The following OCA2 variants were observed in gnomAD, a reference collection of about 807,000 sequenced individuals.
OCA2 encodes the protein P protein.
In OCA2, 77 loss-of-function variants were observed where a neutral mutation model predicts 100.2. That is an observed-to-expected ratio of 0.77 (90% CI 0.64 to 0.93). The LOEUF is 0.93. Ranked by LOEUF, OCA2 falls within the 40% of genes least tolerant of loss-of-function variation. The probability of loss-of-function intolerance (pLI) is 0.00; values close to 1 mark genes in which losing one functional copy is unlikely to be tolerated. For missense variants in OCA2, 1,062 were observed against 1,089.1 expected (o/e 0.98, Z 0.35); for synonymous variants, 432 against 439.2 (o/e 0.98, Z 0.21).
chr15:27,866,010 C>T (rs994501608), intron 21 of OCA2, among the ~76,000 whole-genome samples: 1 of 152,194 alleles, frequency 6.6e-6, no homozygotes, highest in Non-Finnish European at 1.5e-5. Flanking sequence ...GAAGCCAGAA[C>T]CAGTGGGAGA....
intron 1 of OCA2, among the ~76,000 whole-genome samples, chr15:28,090,480 T>C (rs991334391): frequency 1.3e-5 from 2 of 152,100 alleles, no homozygotes; most frequent in Non-Finnish European, 2.9e-5. Flanking sequence ...TTTAAAAGAA[T>C]TGAAATCACA....
intron 18 of OCA2, among the ~76,000 whole-genome samples, chr15:27,932,316 A>G (rs534570660): frequency 6.6e-6 from 1 of 152,368 alleles, no homozygotes; most frequent in South Asian, 2.1e-4. Flanking sequence ...AACTTAGGCC[A>G]GGAAAATGGC....
At chr15:27,924,234 G>T (rs555197279) in intron 19 of OCA2, among the ~76,000 whole-genome samples, 1 of 151,942 alleles carries the variant, frequency 6.6e-6, no homozygotes, top group Admixed American at 6.6e-5. Flanking sequence ...ACCTAACTTT[G>T]ACTTAATTTT....
At chr15:28,030,038 C>T (rs1279145491) in intron 3 of OCA2, among the ~76,000 whole-genome samples, 1 of 152,140 alleles carries the variant, frequency 6.6e-6, no homozygotes, top group Non-Finnish European at 1.5e-5. Context: ...ATGTCACAGG[C>T]CTTCACAATT....
At chr15:28,004,429 G>A (rs2042026243) in intron 9 of OCA2, among the ~76,000 whole-genome samples, 1 of 152,190 alleles carries the variant, frequency 6.6e-6, no homozygotes, top group African/African-American at 2.4e-5. Flanking sequence ...CTGGGCTGCA[G>A]GGGAGCCTGC....
intron 1 of OCA2, among the ~76,000 whole-genome samples, chr15:28,098,000 G>A (rs1001205050): frequency 7.2e-5 from 11 of 152,158 alleles, no homozygotes; most frequent in African/African-American, 2.7e-4. Context: ...GTGTCATGCC[G>A]CTGGGTTTCC....
chr15:28,066,327 C>G (rs1595900235), intron 2 of OCA2, among the ~76,000 whole-genome samples: 1 of 152,084 alleles, frequency 6.6e-6, no homozygotes, highest in Non-Finnish European at 1.5e-5. Flanking sequence ...AAATTCTAAG[C>G]CCCTCACTGA....
chr15:28,086,484 G>A (rs369221415), intron 1 of OCA2, among the ~76,000 whole-genome samples: 22 of 152,172 alleles, frequency 1.4e-4, no homozygotes, highest in Admixed American at 3.3e-4. Context: ...TTCTGCTGGC[G>A]TGGTGTCAAA....
intron 17 of OCA2, among the ~76,000 whole-genome samples, chr15:27,954,711 A>C (rs1332628680): frequency 2.6e-5 from 4 of 151,500 alleles, no homozygotes; most frequent in Non-Finnish European, 5.9e-5. Flanking sequence ...AAAAAACAAA[A>C]CAAAAGAAAA....
chr15:27,866,116 G>A (rs79607843), intron 21 of OCA2, among the ~76,000 whole-genome samples: 2,438 of 152,196 alleles, frequency 0.016, 56 homozygotes, highest in African/African-American at 0.051. Context: ...GCAGGCCATC[G>A]TACCCAGAGG....
intron 23 of OCA2, among the ~76,000 whole-genome samples, chr15:27,833,981 A>G (rs1022614015): frequency 3.3e-5 from 5 of 152,172 alleles, no homozygotes; most frequent in African/African-American, 1.2e-4. Context: ...CCTAGCACAG[A>G]GCTCCTAAAA....
At chr15:28,091,525 C>G (rs1342487833) in intron 1 of OCA2, among the ~76,000 whole-genome samples, 1 of 152,160 alleles carries the variant, frequency 6.6e-6, no homozygotes, top group African/African-American at 2.4e-5. Context: ...AAAAATCAAT[C>G]AATGTTGAAC....
intron 7 of OCA2, among the ~76,000 whole-genome samples, chr15:28,016,604 C>A (rs28687663): frequency 6.6e-6 from 1 of 152,098 alleles, no homozygotes; most frequent in African/African-American, 2.4e-5. Flanking sequence ...CAGAGCAAGA[C>A]CCCTGTCTGC....
intron 18 of OCA2, among the ~76,000 whole-genome samples, chr15:27,931,209 T>A (rs1888673322): frequency 8.8e-6 from 1 of 114,170 alleles, no homozygotes; most frequent in Non-Finnish European, 1.8e-5. Context: ...TCTCAATTGT[T>A]TACGTATTTG....
intron 23 of OCA2, among the ~76,000 whole-genome samples, chr15:27,828,009 T>C (rs930279493): frequency 1.3e-5 from 2 of 152,186 alleles, no homozygotes; most frequent in Non-Finnish European, 2.9e-5. Context: ...TCCAGCTTCA[T>C]CTTGTGACGA....
chr15:27,841,577 T>C (rs992471160), intron 23 of OCA2, among the ~76,000 whole-genome samples: 2 of 152,356 alleles, frequency 1.3e-5, no homozygotes, highest in Admixed American at 1.3e-4. Context: ...AGCTAAAGTT[T>C]ATCCATTTTG....
chr15:28,006,282 A>G (rs1187455858), intron 9 of OCA2, among the ~76,000 whole-genome samples: 1 of 152,126 alleles, frequency 6.6e-6, no homozygotes, highest in African/African-American at 2.4e-5. Flanking sequence ...CTCTCATTGG[A>G]TCTGGCTTCG....
At chr15:27,820,953 G>A (rs1195663647) in intron 23 of OCA2, among the ~76,000 whole-genome samples, 1 of 152,150 alleles carries the variant, frequency 6.6e-6, no homozygotes, top group South Asian at 2.1e-4. Flanking sequence ...TGCCAGGTCG[G>A]GCAGCACAAG....
At chr15:27,776,041 C>G (rs1425693289) in intron 23 of OCA2, among the ~76,000 whole-genome samples, 1 of 152,266 alleles carries the variant, frequency 6.6e-6, no homozygotes, top group Non-Finnish European at 1.5e-5. Flanking sequence ...TTGGGCACTG[C>G]TCTTGCTCCA....
Sources: gnomAD v4.1 joint callset for allele counts (sites outside exome capture counted in the v4.1 genomes callset) on GRCh38, gnomAD v4.1.1 for gene constraint, MANE v1.5 for transcripts, NCBI Gene and HGNC (gene_info 2026-07-23, HGNC 2026-07-21) for gene names.